Variants in B3GALNT1 observed in about 807,000 individuals in gnomAD.
B3GALNT1 encodes UDP-GalNAc:beta-1,3-N-acetylgalactosaminyltransferase 1.
Under a neutral mutation model 27.3 loss-of-function variants are expected in B3GALNT1, and 17 were observed. That is an observed-to-expected ratio of 0.62 (90% CI 0.43 to 0.94). The LOEUF (loss-of-function observed/expected upper bound fraction) is 0.94, where lower values mean the gene tolerates loss of function less well. B3GALNT1 is among the 40% of genes least tolerant of loss of function. B3GALNT1 has a pLI of 0.00. For missense variants in B3GALNT1, 347 were observed against 390.0 expected, an observed-to-expected ratio of 0.89 and a Z score of 0.93; for synonymous variants, 141 against 144.0, an observed-to-expected ratio of 0.98 and a Z score of 0.15.
intron 4 of B3GALNT1, among the ~76,000 whole-genome samples, chr3:161,099,325 T>C (rs1729920774): frequency 6.6e-6 from 1 of 152,178 alleles, no homozygotes; most frequent in South Asian, 2.1e-4. Flanking sequence ...GTAATTACAA[T>C]CCAAAAGGTT....
chr3:161,097,261 G>A (rs1340763378), intron 4 of B3GALNT1, among the ~76,000 whole-genome samples: 7 of 152,040 alleles, frequency 4.6e-5, no homozygotes, highest in African/African-American at 1.4e-4. Flanking sequence ...GAAATAATAC[G>A]CGCTAAACAT....
chr3:161,104,579 T>A, intron 1 of B3GALNT1, 173 bp from the exon 2 acceptor site: 1 of 353,608 alleles, frequency 2.8e-6, no homozygotes, highest in Non-Finnish European at 5.5e-6. Context: ...GGAATCTTTT[T>A]AAAACGCCCT....
rs1720739414 is a variant in B3GALNT1, at chr3:161,084,350, T to C, written c.*1409A>G. 2 of 152,234 alleles carry C rather than the reference T, an allele frequency of 1.3e-5. No homozygotes were observed. Among genetic ancestry groups the C allele is most frequent in the South Asian group, 2.1e-4 (1 of 4,836 alleles). 9.4% of individuals were successfully genotyped at this position (152,234 alleles called of 1,614,324 possible). A position where few individuals can be genotyped will look rare whatever the true frequency, so the allele number is the denominator to read the frequency against. ...CCTTGTTATACAGAATCACACATTA[T>C]AGTTTTAACTGAAGTTGTTTTTCAT... is the stretch of plus-strand genomic sequence containing the variant. On this transcript the variant is annotated 3_prime_UTR_variant, in exon 5 of 5. Transcript: ENST00000320474.
chr3:161,092,234 A>G (rs1725498478), intron 4 of B3GALNT1, among the ~76,000 whole-genome samples: 1 of 152,240 alleles, frequency 6.6e-6, no homozygotes, highest in Non-Finnish European at 1.5e-5. Context: ...ATAATAAATA[A>G]AAGTTGGTAT....
At chr3:161,103,043 C>T (rs1017753679) in intron 3 of B3GALNT1, 1 of 152,046 alleles carries the variant, frequency 6.6e-6, no homozygotes, top group Non-Finnish European at 1.5e-5. Context: ...CCTGAAGAAC[C>T]ATGGTATTTT....
chr3:161,103,592 T>C lies in B3GALNT1; in HGVS notation c.-220-75A>G, dbSNP rs1732605695. 10 of 510,716 alleles carry C rather than the reference T, an allele frequency of 2.0e-5. No homozygotes were observed. In the South Asian group the frequency reaches 2.0e-4, roughly 10 times the overall value. 31.6% of individuals were successfully genotyped at this position (510,716 alleles called of 1,614,324 possible). On this transcript the variant is annotated intron_variant, in intron 2 of 4. Transcript: ENST00000320474. ...TATGACATCTAAAATCAATGTTGTA[T>C]ACTTAGCAAGTTGTTTTTGGAGCCA...
intron 4 of B3GALNT1, among the ~76,000 whole-genome samples, chr3:161,091,287 T>C (rs1184043501): frequency 6.6e-6 from 1 of 151,930 alleles, no homozygotes; most frequent in Non-Finnish European, 1.5e-5. Context: ...AAATAAATAA[T>C]TTAAAAATTT....
intron 4 of B3GALNT1, among the ~76,000 whole-genome samples, chr3:161,095,199 C>T (rs1727471411): frequency 6.6e-6 from 1 of 152,124 alleles, no homozygotes; most frequent in African/African-American, 2.4e-5. Flanking sequence ...ACTTACTCTG[C>T]CCCTCCAACC....
Position 161,086,623 on chromosome 3 carries a change from T to G in B3GALNT1, c.132A>C (p.Ile44=), listed in dbSNP as rs1212356380. The change falls in exon 5 of 5, where the codon ATA becomes ATC. Residue 44 remains isoleucine (I), a synonymous_variant. Transcript: ENST00000320474. ...WYLSLPHYNV[I]ERVNWMYFYE... is the part of the protein sequence containing the mutation. ...AGAAGTACATCCAGTTCACGCGTTCTATCACATTGTAGTGGGGAAGGCTGA... is the reference window on the plus strand; with the variant it reads ...AGAAGTACATCCAGTTCACGCGTTCGATCACATTGTAGTGGGGAAGGCTGA... 3.7e-6 allele frequency: 6 copies of G among 1,614,086 alleles called. No homozygotes were observed. The highest frequency in any genetic ancestry group is 2.7e-5 in the African/African-American group (2 of 74,926).
chr3:161,093,399 G>A (rs1353747496), intron 4 of B3GALNT1, among the ~76,000 whole-genome samples: 1 of 152,294 alleles, frequency 6.6e-6, no homozygotes, highest in Admixed American at 6.5e-5. Context: ...CATAGCATGT[G>A]TGTATCATAG....
intron 4 of B3GALNT1, among the ~76,000 whole-genome samples, chr3:161,092,945 C>A (rs1022403444): frequency 6.6e-6 from 1 of 151,644 alleles, no homozygotes; most frequent in Non-Finnish European, 1.5e-5. Flanking sequence ...TTTTAGTAGA[C>A]ATGGGGTTTC....
chr3:161,091,643 C>A (rs1429541839), intron 4 of B3GALNT1, among the ~76,000 whole-genome samples: 1 of 152,158 alleles, frequency 6.6e-6, no homozygotes, highest in African/African-American at 2.4e-5. Flanking sequence ...CTAATAATGG[C>A]CCCAAGGCAG....
chr3:161,096,327 A>C (rs1468225026), intron 4 of B3GALNT1, among the ~76,000 whole-genome samples: 1 of 152,228 alleles, frequency 6.6e-6, no homozygotes, highest in Admixed American at 6.5e-5. Context: ...GGTCCAAAAA[A>C]ACAAGAAACA....
chr3:161,084,035 G>C lies in B3GALNT1; in HGVS notation c.*1724C>G, dbSNP rs1356555735. ...CCACAGACACGTGAGTAATGCACTA[G>C]GCTATGACATTAAAACGGCTAAAAC... On this transcript the variant is annotated 3_prime_UTR_variant, in exon 5 of 5. Transcript: ENST00000320474. 1 of 152,126 alleles carries C rather than the reference G, an allele frequency of 6.6e-6. No individual in the cohort carries two copies. The highest frequency in any genetic ancestry group is 1.9e-4 in the East Asian group (1 of 5,198). 9.4% of individuals were successfully genotyped at this position (152,126 alleles called of 1,614,324 possible).
chr3:161,095,691 T>C (rs987595687), intron 4 of B3GALNT1, among the ~76,000 whole-genome samples: 8 of 152,144 alleles, frequency 5.3e-5, no homozygotes, highest in Middle Eastern at 3.2e-3. Context: ...CTAACCCTGG[T>C]AGTATAGGCC....
chr3:161,101,753 G>C (rs1731399647), intron 3 of B3GALNT1, among the ~76,000 whole-genome samples: 1 of 152,206 alleles, frequency 6.6e-6, no homozygotes, highest in Admixed American at 6.5e-5. Flanking sequence ...CATAAATTTA[G>C]AGCCTGTTAT....
Position 161,094,268 on chromosome 3 carries a change from C to A in B3GALNT1, c.-35+6871G>T, listed in dbSNP as rs187033940. On this transcript the variant is annotated intron_variant, in intron 4 of 4. Transcript: ENST00000320474. ...TGATATAAACAGTATGGCAGCATCA[C>A]AGCCTTATCATTTTCACAAGGAAGA... 5.9e-4 allele frequency among the ~76,000 whole-genome samples: 90 copies of A among 152,302 alleles called. 1 individual carries two copies. The highest frequency in any genetic ancestry group is 2.1e-3 in the African/African-American group (88 of 41,554).
Position 161,092,211 on chromosome 3 carries a change from A to G in B3GALNT1, c.-34-5423T>C, listed in dbSNP as rs75119159. ...CAAGAAAGCAATCAAATCCATAAAT[A>G]TATGTCCATAAGATAATAAATAAAA... is the stretch of plus-strand genomic sequence containing the variant. On this transcript the variant is annotated intron_variant, in intron 4 of 4. Transcript: ENST00000320474. Among the ~76,000 whole-genome samples the G allele has an allele frequency of 2.3e-3, 347 of 152,348 alleles. 14 individuals carry two copies. The East Asian group carries it at 0.061, about 27-fold the overall frequency.
chr3:161,104,597 C>T (rs527489970), intron 1 of B3GALNT1, 191 bp from the exon 2 acceptor site: 82 of 318,536 alleles, frequency 2.6e-4, no homozygotes, highest in African/African-American at 1.8e-3. Context: ...CCTGTATGTT[C>T]CTTAACACTG....
Sources: gnomAD v4.1 joint callset for allele counts (sites outside exome capture counted in the v4.1 genomes callset) on GRCh38, gnomAD v4.1.1 for gene constraint, MANE v1.5 for transcripts, NCBI Gene and HGNC (gene_info 2026-07-23, HGNC 2026-07-21) for gene names.